ZNF106: variants seen among roughly 807,000 people sequenced by gnomAD.
ZNF106 encodes the protein zinc finger protein 106.
ZNF106 carries 67 observed loss-of-function variants against 195.1 expected under a neutral mutation model. The ratio of observed to expected loss-of-function variants is 0.34; its 90% CI spans 0.28 to 0.42. The LOEUF (loss-of-function observed/expected upper bound fraction) is 0.42. Ranked by LOEUF, ZNF106 falls within the 10% of genes least tolerant of loss-of-function variation. The pLI is 1.00. For missense variants in ZNF106, 2,118 were observed against 2,304.5 expected (o/e 0.92, Z 1.66); for synonymous variants, 784 against 818.6 (o/e 0.96, Z 0.72).
chr15:42,449,031 C>A (rs962424496), intron 5 of ZNF106, among the ~76,000 whole-genome samples: 4 of 150,672 alleles, frequency 2.7e-5, no homozygotes, highest in South Asian at 2.1e-4. Flanking sequence ...AAAAAAAAAA[C>A]CCTTTTACTG....
Position 42,482,431 on chromosome 15 carries a change from G to C in ZNF106, c.-33+8549C>G, listed in dbSNP as rs949489850. Among the ~76,000 whole-genome samples, 7 of 150,410 alleles carry C rather than the reference G, an allele frequency of 4.7e-5. No homozygotes were observed. In the South Asian group the frequency reaches 8.4e-4, roughly 18 times the overall value. On this transcript the variant is annotated intron_variant, in intron 1 of 21. Coordinates refer to ENST00000564754, the MANE Select transcript of ZNF106 (RefSeq NM_001366845.3). ...CCTTTATATTCCTCCAAAGAGTATT[G>C]ACTTTTGTTTTTTTACTTTTGTTTT...
intron 13 of ZNF106, among the ~76,000 whole-genome samples, chr15:42,436,027 C>G (rs1215847980): frequency 6.6e-6 from 1 of 151,332 alleles, no homozygotes; most frequent in Non-Finnish European, 1.5e-5. Flanking sequence ...GATCTCAGCT[C>G]ACTGCAAGCT....
chr15:42,457,552 C>G (rs1595477586), intron 3 of ZNF106: 1 of 1,050,166 alleles, frequency 9.5e-7, no homozygotes, highest in East Asian at 8.0e-5. Flanking sequence ...GGTGACAGCG[C>G]TTACATTTAA....
chr15:42,450,935 G>C lies in ZNF106; in HGVS notation c.1337C>G (p.Ala446Gly). 2 of 1,614,188 alleles carry C rather than the reference G, an allele frequency of 1.2e-6. No individual in the cohort carries two copies. Among genetic ancestry groups the C allele is most frequent in the Non-Finnish European group, 1.7e-6 (2 of 1,180,032 alleles). Residue 446 changes from alanine (A) to glycine (G), a missense_variant, in exon 5 of 22, where the codon GCT becomes GGT. By Grantham distance (60) the Ala-to-Gly change is moderately conservative (BLOSUM62 0). Coordinates refer to ENST00000564754, the MANE Select transcript of ZNF106 (RefSeq NM_001366845.3). Reference sequence around the variant, plus strand: ...CTGTCTCACCACCTCGAAGGAAGCAGCGGAATCAGAAGAGGCCTTGTGATT... The same window carrying C: ...CTGTCTCACCACCTCGAAGGAAGCACCGGAATCAGAAGAGGCCTTGTGATT... ...SLNHKASSDS[A>G]ASFEVVRQCP...
At chr15:42,425,565 C>CA (rs2054823698) in intron 15 of ZNF106, 1 of 153,122 alleles carries the variant, frequency 6.5e-6, no homozygotes, top group Non-Finnish European at 1.5e-5. Flanking sequence ...GCAATGGCGC[C>CA]ATCTCAGCTC....
At chr15:42,454,107 A>C (rs2141369944) in intron 4 of ZNF106, among the ~76,000 whole-genome samples, 1 of 152,206 alleles carries the variant, frequency 6.6e-6, no homozygotes, top group South Asian at 2.1e-4. Flanking sequence ...TAAAAATCTT[A>C]AACTCAATAC....
chr15:42,452,903 C>T (rs2056095832), intron 4 of ZNF106, among the ~76,000 whole-genome samples: 1 of 152,040 alleles, frequency 6.6e-6, no homozygotes, highest in South Asian at 2.1e-4. Flanking sequence ...CCAGGCTGAT[C>T]TCAAACTCCT....
chr15:42,486,830 T>C (rs2057026360), intron 1 of ZNF106, among the ~76,000 whole-genome samples: 1 of 152,150 alleles, frequency 6.6e-6, no homozygotes, highest in Non-Finnish European at 1.5e-5. Flanking sequence ...ACACAATAAA[T>C]ACATATATTT....
At chr15:42,480,593 T>TC (rs2056878698) in intron 1 of ZNF106, among the ~76,000 whole-genome samples, 1 of 152,206 alleles carries the variant, frequency 6.6e-6, no homozygotes, top group Admixed American at 6.5e-5. Flanking sequence ...ACTAGTTTTT[T>TC]TTTAGCAACA....
In ZNF106 at chr15:42,421,082, C is replaced by T. The variant is rs886983354; in HGVS notation, c.5496G>A (p.Leu1832=). 6.2e-7 allele frequency: 1 copy of T among 1,614,140 alleles called. No individual in the cohort carries two copies. The highest frequency in any genetic ancestry group is 8.5e-7 in the Non-Finnish European group (1 of 1,180,032). ...DGSIQAVRLN[L]MQNYRCWWHG... is the part of the protein sequence containing the mutation. ...TTACCCAACAGCGGTAATTCTGCAT[C>T]AGATTAAGCCTCACGGCCTGAATAC... The change falls in exon 20 of 22, where the codon CTG becomes CTA. Residue 1832 remains leucine, a synonymous_variant. Coordinates refer to ENST00000564754, the MANE Select transcript of ZNF106 (RefSeq NM_001366845.3).
chr15:42,476,828 A>G (rs535607200), intron 1 of ZNF106, among the ~76,000 whole-genome samples: 127 of 152,302 alleles, frequency 8.3e-4, no homozygotes, highest in Non-Finnish European at 1.4e-3. Context: ...TTCAAGGGTC[A>G]ACTGTATACT....
Position 42,445,000 on chromosome 15 carries a change from A to C in ZNF106, c.3206-19T>G. The stretch of plus-strand genomic sequence containing the variant: ...GAACGTTCTGCCAAAAGAAATCATA[A>C]GGTTCAGGTTAATACGAGAGATTTC... On this transcript the variant is annotated intron_variant, in intron 7 of 21. Transcript: ENST00000564754. The C allele has an allele frequency of 1.9e-6, 3 of 1,613,742 alleles. No individual in the cohort carries two copies. The highest frequency in any genetic ancestry group is 2.5e-6 in the Non-Finnish European group (3 of 1,179,746).
At position 42,444,812 on chromosome 15, in the gene ZNF106, T is replaced by A. The variant is rs779665598; in HGVS notation, c.3360+15A>T. ...GAGATGATCCATTTTTATTAAATCC[T>A]CCACATGCTGTTACCTGCTGCTTGA... On this transcript the variant is annotated intron_variant, in intron 8 of 21. Coordinates refer to ENST00000564754, the MANE Select transcript of ZNF106 (RefSeq NM_001366845.3). The A allele has an allele frequency of 6.2e-7, 1 of 1,612,586 alleles. No homozygotes were observed. Among genetic ancestry groups the A allele is most frequent in the Admixed American group, 1.7e-5 (1 of 59,518 alleles).
At position 42,417,138 on chromosome 15, in the gene ZNF106, AT is replaced by A; in HGVS notation, c.*165del. Reference sequence around the variant, plus strand: ...CCTCCAGCAAGAACTTAAAAGTGTAATTTATCATCCCATAGAGCTGCCCAGA... The same window carrying A: ...CCTCCAGCAAGAACTTAAAAGTGTAATTATCATCCCATAGAGCTGCCCAGA... On this transcript the variant is annotated 3_prime_UTR_variant, in exon 22 of 22. Coordinates refer to ENST00000564754, the MANE Select transcript of ZNF106 (RefSeq NM_001366845.3). 1 of 631,736 alleles carries A rather than the reference AT, an allele frequency of 1.6e-6. No homozygotes were observed. Among genetic ancestry groups the A allele is most frequent in the Middle Eastern group, 3.7e-4 (1 of 2,678 alleles). 39.1% of individuals were successfully genotyped at this position (631,736 alleles called of 1,614,324 possible).
At chr15:42,454,945 G>A (rs189872525) in intron 4 of ZNF106, among the ~76,000 whole-genome samples, 1 of 151,662 alleles carries the variant, frequency 6.6e-6, no homozygotes, top group East Asian at 1.9e-4. Flanking sequence ...TCATCAAGGA[G>A]GCACATCAAA....
rs754710421 is a variant in ZNF106 at position 42,442,309 on chromosome 15, G to T, written c.3527C>A (p.Thr1176Asn). ...QTSIDAALLP[T>N]PFFPLFLEPP... is the part of the protein sequence containing the mutation. Reference sequence around the variant, plus strand: ...CTCCAGAAAAAGTGGGAAAAAGGGAGTGGGCAGCAGTGCGGCATCAATGGA... The same window carrying T: ...CTCCAGAAAAAGTGGGAAAAAGGGATTGGGCAGCAGTGCGGCATCAATGGA... Residue 1176 changes from threonine (T) to asparagine (N), a missense_variant, in exon 10 of 22, where the codon ACT (threonine) becomes AAT (asparagine). Thr to Asn is a moderately conservative substitution (Grantham distance 65). Transcript: ENST00000564754. 11 of 1,614,212 alleles carry T rather than the reference G, an allele frequency of 6.8e-6. No homozygotes were observed. The highest frequency in any genetic ancestry group is 9.3e-6 in the Non-Finnish European group (11 of 1,180,036).
Position 42,415,647 on chromosome 15 carries a change from C to T in ZNF106, c.*1657G>A, listed in dbSNP as rs2054427831. ...AGGGGCGAAGACAGACCTGGATGGT[C>T]TGCAATCCCAGAGAGCATGAGGCAC... On this transcript the variant is annotated 3_prime_UTR_variant, in exon 22 of 22. Coordinates refer to ENST00000564754, the MANE Select transcript of ZNF106 (RefSeq NM_001366845.3). 7.0e-6 allele frequency: 2 copies of T among 285,622 alleles called. No homozygotes were observed. Among genetic ancestry groups the T allele is most frequent in the Admixed American group, 4.4e-5 (1 of 22,474 alleles). 17.7% of individuals were successfully genotyped at this position (285,622 alleles called of 1,614,324 possible).
intron 15 of ZNF106, among the ~76,000 whole-genome samples, chr15:42,427,168 A>T (rs528234474): frequency 6.6e-6 from 1 of 152,144 alleles, no homozygotes; most frequent in South Asian, 2.1e-4. Flanking sequence ...CCTTCTCTTC[A>T]TCCTGTTTAA....
intron 1 of ZNF106, among the ~76,000 whole-genome samples, chr15:42,478,363 C>T (rs2056828777): frequency 1.3e-5 from 2 of 151,896 alleles, no homozygotes; most frequent in Non-Finnish European, 2.9e-5. Context: ...GGAGTTTCAC[C>T]ATATTGGCCA....
Sources: allele counts gnomAD v4.1 joint callset (sites outside exome capture counted in the v4.1 genomes callset), GRCh38; gene constraint gnomAD v4.1.1; transcripts MANE v1.5; gene names NCBI Gene and HGNC (gene_info 2026-07-23, HGNC 2026-07-21).